The following VPS41 variants were observed in gnomAD, a reference collection of about 807,000 sequenced individuals.
VPS41 encodes the protein VPS41 subunit of HOPS complex.
Under a neutral mutation model 130.9 loss-of-function variants are expected in VPS41, and 85 were observed. That is an observed-to-expected ratio of 0.65 (90% CI 0.55 to 0.78). The LOEUF is 0.78. Ranked by LOEUF, VPS41 falls within the 30% of genes least tolerant of loss-of-function variation. VPS41 has a pLI of 0.00. For missense variants in VPS41, 874 were observed against 1,018.7 expected, an observed-to-expected ratio of 0.86 and a Z score of 1.93; for synonymous variants, 335 against 332.9, an observed-to-expected ratio of 1.01 and a Z score of -0.07.
At position 38,763,555 on chromosome 7, in the gene VPS41, AG is replaced by A. The variant is rs1783967249; in HGVS notation, c.1330-9del. The A allele has an allele frequency of 2.6e-6, 4 of 1,565,202 alleles. No homozygotes were observed. The African/African-American group carries it at 4.1e-5, about 16-fold the overall frequency. ...CAAATAAGGACTAATAGCCTAGGTA[AG>A]GAAAAGGGAAAAAAAAGTCCATTAA... On this transcript the variant is annotated splice_polypyrimidine_tract_variant and intron_variant, in intron 16 of 28. Transcript: ENST00000310301.
rs551110073 is a variant in VPS41 at position 38,817,671 on chromosome 7, T to C, written c.450+146A>G. On this transcript the variant is annotated intron_variant, in intron 7 of 28. Transcript: ENST00000310301. ...CTGAAGCCACAACTCCCCCAAGAGA[T>C]GATGATCATCAGATTTCATTACATT... 1.1e-4 allele frequency: 84 copies of C among 751,190 alleles called. 1 individual carries two copies. The highest frequency in any genetic ancestry group is 1.9e-4 in the Non-Finnish European group (82 of 425,822). The allele number at this position is 751,190 out of a possible 1,614,324, so 46.5% of individuals were successfully genotyped here.
At chr7:38,843,293 ATCATGTC>A (rs2116231182) in intron 4 of VPS41, among the ~76,000 whole-genome samples, 1 of 152,294 alleles carries the variant, frequency 6.6e-6, no homozygotes, top group South Asian at 2.1e-4. Flanking sequence ...AGATGCGGCA[ATCATGTC>A]CCCGTGACAC....
intron 7 of VPS41, among the ~76,000 whole-genome samples, chr7:38,814,804 A>G (rs1785009755): frequency 6.6e-6 from 1 of 152,214 alleles, no homozygotes; most frequent in South Asian, 2.1e-4. Flanking sequence ...CAACTGTAAA[A>G]TCTCTAACTC....
In VPS41 at chr7:38,832,389, A is replaced by G. The variant is rs553617852; in HGVS notation, c.247-2061T>C. 5.7e-5 allele frequency among the ~76,000 whole-genome samples: 8 copies of G among 141,394 alleles called. 1 individual carries two copies. In the South Asian group the frequency reaches 1.7e-3, roughly 31 times the overall value. 92.8% of individuals were successfully genotyped at this position (141,394 alleles called of 152,430 possible). ...GGCTACAGTGCAGCGGCACAATCTC[A>G]GCTCACTGCAACCTCGCCTCCCGGG... On this transcript the variant is annotated intron_variant, in intron 4 of 28. Transcript: ENST00000310301.
chr7:38,763,158 G>A (rs1356872005), intron 17 of VPS41, among the ~76,000 whole-genome samples: 1 of 152,106 alleles, frequency 6.6e-6, no homozygotes, highest in Non-Finnish European at 1.5e-5. Context: ...TGATATCAAA[G>A]ATGGAATAGC....
chr7:38,827,563 A>G (rs1785304053), intron 5 of VPS41, among the ~76,000 whole-genome samples: 1 of 152,192 alleles, frequency 6.6e-6, no homozygotes, highest in Non-Finnish European at 1.5e-5. Flanking sequence ...ACAGCTTACC[A>G]TATCCCCTGC....
chr7:38,873,224 GC>G (rs1207218619), intron 2 of VPS41, among the ~76,000 whole-genome samples: 3 of 151,842 alleles, frequency 2.0e-5, no homozygotes, highest in Admixed American at 2.0e-4. Context: ...ATCATTTCAC[GC>G]TTTTCTGACG....
rs776796604 is a variant in VPS41, at chr7:38,821,284, G to A, written c.322-19C>T. 1 of 1,598,002 alleles carries A rather than the reference G, an allele frequency of 6.3e-7. No individual in the cohort carries two copies. Among genetic ancestry groups the A allele is most frequent in the Non-Finnish European group, 8.6e-7 (1 of 1,165,940 alleles). On this transcript the variant is annotated intron_variant, in intron 5 of 28. Transcript: ENST00000310301. ...CCTGCACCTACAAAGAAAATGGATT[G>A]TATCAGCTCACCATGACAGCAATAG...
At chr7:38,726,696 T>C (rs1392471003) in intron 28 of VPS41, among the ~76,000 whole-genome samples, 1 of 152,250 alleles carries the variant, frequency 6.6e-6, no homozygotes, top group Non-Finnish European at 1.5e-5. Flanking sequence ...TTCCTTCAAA[T>C]GGGTATGCTT....
At chr7:38,878,067 C>T (rs1483859656) in intron 2 of VPS41, among the ~76,000 whole-genome samples, 3 of 152,220 alleles carry the variant, frequency 2.0e-5, no homozygotes, top group African/African-American at 7.2e-5. Flanking sequence ...GACTCTAAAC[C>T]TCTATCACCT....
intron 5 of VPS41, among the ~76,000 whole-genome samples, chr7:38,825,058 A>C (rs1785243782): frequency 6.6e-6 from 1 of 152,208 alleles, no homozygotes; most frequent in South Asian, 2.1e-4. Flanking sequence ...AAAGAGAACA[A>C]AATCAAACAA....
chr7:38,847,437 T>C (rs886414967), intron 4 of VPS41, among the ~76,000 whole-genome samples: 3 of 152,214 alleles, frequency 2.0e-5, no homozygotes, highest in Admixed American at 2.0e-4. Flanking sequence ...ATGAATTTTT[T>C]TTCTCTAACA....
At chr7:38,754,442 G>A (rs1783748329) in intron 21 of VPS41, among the ~76,000 whole-genome samples, 1 of 152,082 alleles carries the variant, frequency 6.6e-6, no homozygotes, top group South Asian at 2.1e-4. Context: ...TAATATAATA[G>A]ATAGATTGGT....
chr7:38,826,883 A>AT (rs1409511648), intron 5 of VPS41, among the ~76,000 whole-genome samples: 1 of 152,058 alleles, frequency 6.6e-6, no homozygotes, highest in East Asian at 1.9e-4. Context: ...CAGTGGCGTG[A>AT]TCTCAGCTCA....
chr7:38,840,423 C>T (rs1299264903), intron 4 of VPS41, among the ~76,000 whole-genome samples: 1 of 152,132 alleles, frequency 6.6e-6, no homozygotes. Flanking sequence ...ACAGTTACTA[C>T]AATATGCTTC....
chr7:38,791,493 A>T (rs1784535293), intron 9 of VPS41, among the ~76,000 whole-genome samples: 1 of 152,198 alleles, frequency 6.6e-6, no homozygotes, highest in Non-Finnish European at 1.5e-5. Flanking sequence ...TGGGGGAGAC[A>T]CAAAAATAAG....
Position 38,758,359 on chromosome 7 carries a change from T to G in VPS41, c.1545A>C (p.Ala515=). The change falls in exon 18 of 29, where the codon GCA becomes GCC. Residue 515 remains alanine, a synonymous_variant. Coordinates refer to ENST00000310301, the MANE Select transcript of VPS41 (RefSeq NM_014396.4). Reference sequence around the variant, plus strand: ...AAACACTTAAGTATACTCACAATTCTGCCAGGGTTTTAAGTAAAGTCTTGT... The same window carrying G: ...AAACACTTAAGTATACTCACAATTCGGCCAGGGTTTTAAGTAAAGTCTTGT... ...SQNKTLLKTL[A]ELYTYDKNYG... 1 of 1,607,924 alleles carries G rather than the reference T, an allele frequency of 6.2e-7. No individual in the cohort carries two copies. Among genetic ancestry groups the G allele is most frequent in the Non-Finnish European group, 8.5e-7 (1 of 1,178,268 alleles).
At chr7:38,874,056 T>C (rs1484780721) in intron 2 of VPS41, among the ~76,000 whole-genome samples, 1 of 152,220 alleles carries the variant, frequency 6.6e-6, no homozygotes, top group Non-Finnish European at 1.5e-5. Context: ...TTAAAATTTG[T>C]ATACAAGAAA....
chr7:38,906,162 A>C (rs2116466370), intron 1 of VPS41, among the ~76,000 whole-genome samples: 1 of 152,310 alleles, frequency 6.6e-6, no homozygotes, highest in East Asian at 1.9e-4. Context: ...TACTACCGTC[A>C]TCAGATTTCA....
Sources: allele counts gnomAD v4.1 joint callset (sites outside exome capture counted in the v4.1 genomes callset), GRCh38; gene constraint gnomAD v4.1.1; transcripts MANE v1.5; gene names NCBI Gene and HGNC (gene_info 2026-07-23, HGNC 2026-07-21).